The following DEK variants were observed in gnomAD, a reference collection of about 807,000 sequenced individuals.
DEK encodes protein DEK.
DEK carries 28 observed loss-of-function variants against 46.8 expected under a neutral mutation model. The observed-to-expected ratio is 0.60, with a 90% CI of 0.44 to 0.82. DEK has a LOEUF of 0.82. Among genes scored for constraint, DEK ranks in the 40% least tolerant of loss-of-function variants. DEK has a pLI of 0.00. For missense variants in DEK, 416 were observed against 430.6 expected (o/e 0.97, Z 0.30); for synonymous variants, 160 against 144.5 (o/e 1.11, Z -0.77).
chr6:18,237,161 A>C, intron 8 of DEK: 1 of 408,016 alleles, frequency 2.5e-6, no homozygotes. Flanking sequence ...CATCCCCAAG[A>C]TATCTCTCTC....
intron 8 of DEK, chr6:18,236,903 A>G: frequency 4.7e-6 from 1 of 213,056 alleles, no homozygotes; most frequent in Non-Finnish European, 9.0e-6. Flanking sequence ...GTAATTCCAT[A>G]CCCGACCTCG....
chr6:18,240,512 A>G (rs987417169), intron 7 of DEK, among the ~76,000 whole-genome samples: 6 of 152,362 alleles, frequency 3.9e-5, no homozygotes, highest in African/African-American at 1.4e-4. Context: ...TGGGGAGTAG[A>G]TACATTAACA....
At chr6:18,252,076 T>C (rs1791399966) in intron 6 of DEK, among the ~76,000 whole-genome samples, 1 of 152,210 alleles carries the variant, frequency 6.6e-6, no homozygotes, top group Admixed American at 6.5e-5. Context: ...TATCTCTTTT[T>C]GGAAACAAAA....
chr6:18,237,734 T>G, intron 7 of DEK, among the ~76,000 whole-genome samples: 1 of 152,202 alleles, frequency 6.6e-6, no homozygotes, highest in East Asian at 1.9e-4. Context: ...ACACAAGAGT[T>G]GCCCATATTT....
chr6:18,255,972 A>T, intron 5 of DEK, 121 bp from the exon 6 acceptor site: 1 of 1,134,464 alleles, frequency 8.8e-7, no homozygotes, highest in Non-Finnish European at 1.2e-6. Flanking sequence ...AAAGTGGCCA[A>T]TGCTTCTATG....
intron 4 of DEK, among the ~76,000 whole-genome samples, chr6:18,256,937 G>T (rs772582139): frequency 6.6e-6 from 1 of 152,078 alleles, no homozygotes; most frequent in Non-Finnish European, 1.5e-5. Flanking sequence ...AATTAAATTG[G>T]TTTAAGGATT....
chr6:18,227,444 C>A (rs1790190586), intron 9 of DEK, among the ~76,000 whole-genome samples: 1 of 152,128 alleles, frequency 6.6e-6, no homozygotes, highest in Non-Finnish European at 1.5e-5. Context: ...CCTTTGTTCA[C>A]ATGTTTATCT....
intron 7 of DEK, among the ~76,000 whole-genome samples, chr6:18,242,779 G>A (rs747851621): frequency 8.5e-5 from 13 of 152,110 alleles, no homozygotes; most frequent in Admixed American, 2.6e-4. Flanking sequence ...CATAAAGTGG[G>A]TTCTTTTAAG....
intron 7 of DEK, among the ~76,000 whole-genome samples, chr6:18,241,298 G>GA (rs1436766402): frequency 6.6e-6 from 1 of 152,188 alleles, no homozygotes; most frequent in Middle Eastern, 3.4e-3. Context: ...GGAGGTAACA[G>GA]AAAAAAACAC....
intron 9 of DEK, among the ~76,000 whole-genome samples, chr6:18,233,531 G>A (rs1790502812): frequency 6.6e-6 from 1 of 152,108 alleles, no homozygotes. Context: ...TCAAAAAGTG[G>A]GCAAAGGATA....
At chr6:18,244,294 T>C (rs1444697400) in intron 7 of DEK, among the ~76,000 whole-genome samples, 2 of 152,188 alleles carry the variant, frequency 1.3e-5, no homozygotes, top group East Asian at 3.8e-4. Flanking sequence ...TCAGATGTTC[T>C]AAAGGGGAAC....
intron 7 of DEK, chr6:18,244,659 C>T (rs756120517): frequency 9.9e-6 from 9 of 912,652 alleles, no homozygotes; most frequent in Non-Finnish European, 1.3e-5. Context: ...ATTCTTTCAA[C>T]AATTTGGCTG....
intron 3 of DEK, 93 bp downstream of exon 3, chr6:18,258,211 A>G: frequency 8.4e-7 from 1 of 1,191,970 alleles, no homozygotes. Flanking sequence ...AAAAGTATAA[A>G]ACACTACCTT....
chr6:18,237,295 T>C, intron 8 of DEK, 86 bp downstream of exon 8: 1 of 1,440,478 alleles, frequency 6.9e-7, no homozygotes, highest in Middle Eastern at 2.5e-4. Flanking sequence ...GTTTACCTGT[T>C]TCTCCCACAC....
chr6:18,242,679 G>A (rs2151084879), intron 7 of DEK, among the ~76,000 whole-genome samples: 1 of 152,226 alleles, frequency 6.6e-6, no homozygotes, highest in South Asian at 2.1e-4. Context: ...GTATCATTGT[G>A]CTTGTGCCCA....
intron 7 of DEK, among the ~76,000 whole-genome samples, chr6:18,242,328 C>T (rs1477196490): frequency 1.3e-5 from 2 of 152,166 alleles, no homozygotes; most frequent in Non-Finnish European, 2.9e-5. Flanking sequence ...TGCCACTGTA[C>T]CCCAGCCTGG....
At chr6:18,227,215 G>A (rs987000891) in intron 9 of DEK, among the ~76,000 whole-genome samples, 2 of 152,122 alleles carry the variant, frequency 1.3e-5, no homozygotes, top group African/African-American at 2.4e-5. Flanking sequence ...CTTTGCAGTT[G>A]AGACAAGAGG....
At chr6:18,243,523 A>G (rs1489539838) in intron 7 of DEK, among the ~76,000 whole-genome samples, 2 of 152,134 alleles carry the variant, frequency 1.3e-5, no homozygotes. Flanking sequence ...ACACAACTCT[A>G]ACCACGAGTT....
At position 18,225,355 on chromosome 6, in the gene DEK, A is replaced by C. The variant is rs1790065497; in HGVS notation, c.*364T>G. ...TCTGTATGTATAAATCCTGGTGATA[A>C]TAGTTTTTGTTCTACTTGATTAAAA... On this transcript the variant is annotated 3_prime_UTR_variant, in exon 11 of 11. Transcript: ENST00000652689. 7.8e-6 allele frequency: 2 copies of C among 257,814 alleles called. No homozygotes were observed. Among genetic ancestry groups the C allele is most frequent in the Non-Finnish European group, 1.5e-5 (2 of 134,678 alleles). 16.0% of individuals were successfully genotyped at this position (257,814 alleles called of 1,614,324 possible).
Sources: allele counts gnomAD v4.1 joint callset (sites outside exome capture counted in the v4.1 genomes callset), GRCh38; gene constraint gnomAD v4.1.1; transcripts MANE v1.5; gene names NCBI Gene and HGNC (gene_info 2026-07-23, HGNC 2026-07-21).